The following ADGRG6 variants were observed in gnomAD, a reference collection of about 807,000 sequenced individuals.
ADGRG6 encodes adhesion G protein-coupled receptor G6.
ADGRG6 carries 84 observed loss-of-function variants against 142.4 expected under a neutral mutation model. The ratio of observed to expected loss-of-function variants is 0.59; its 90% CI spans 0.49 to 0.71. The LOEUF is 0.71. Among genes scored for constraint, ADGRG6 ranks in the 30% least tolerant of loss-of-function variants. The pLI, the probability that ADGRG6 is intolerant of heterozygous loss-of-function variation, is 0.00. For synonymous variants in ADGRG6, 521 were observed against 520.5 expected (o/e 1.00, Z -0.01); for missense variants, 1,367 against 1,466.6 (o/e 0.93, Z 1.11).
chr6:142,307,453 A>G (rs1050805775), intron 1 of ADGRG6, among the ~76,000 whole-genome samples: 3 of 150,672 alleles, frequency 2.0e-5, no homozygotes, highest in Non-Finnish European at 4.5e-5. Flanking sequence ...TCATTCATCC[A>G]GCATCAGTAG....
At chr6:142,359,203 TAA>T (rs397885145) in intron 2 of ADGRG6, among the ~76,000 whole-genome samples, 161 of 57,284 alleles carry the variant, frequency 2.8e-3, no homozygotes, top group African/African-American at 6.2e-3. Flanking sequence ...CAAGACCCTA[TAA>T]AAAAAAAAAA....
intron 2 of ADGRG6, among the ~76,000 whole-genome samples, chr6:142,317,251 T>C (rs1778128443): frequency 6.6e-6 from 1 of 152,136 alleles, no homozygotes; most frequent in Non-Finnish European, 1.5e-5. Context: ...GCTTTTTTTA[T>C]TGACCTTTCA....
intron 2 of ADGRG6, among the ~76,000 whole-genome samples, chr6:142,341,381 A>G (rs1293948676): frequency 7.9e-6 from 1 of 126,322 alleles, no homozygotes; most frequent in Non-Finnish European, 1.6e-5. Context: ...TATTATATAT[A>G]TACTATATAT....
chr6:142,306,516 G>A (rs1032668134), intron 1 of ADGRG6, among the ~76,000 whole-genome samples: 1 of 152,076 alleles, frequency 6.6e-6, no homozygotes, highest in Non-Finnish European at 1.5e-5. Context: ...TGGGCAAGTA[G>A]TTTAGTATCT....
intron 3 of ADGRG6, among the ~76,000 whole-genome samples, chr6:142,368,563 C>A (rs1278255083): frequency 1.3e-5 from 2 of 151,364 alleles, no homozygotes; most frequent in African/African-American, 4.8e-5. Context: ...TTCTTCTGTG[C>A]CTTCTAAGTA....
chr6:142,318,003 TATA>T (rs56177614), intron 2 of ADGRG6, among the ~76,000 whole-genome samples: 2,907 of 51,452 alleles, frequency 0.056, 193 homozygotes, highest in Non-Finnish European at 0.06. Flanking sequence ...ATATATTATA[TATA>T]ATATTTATGT....
chr6:142,326,490 A>G (rs1778786166), intron 2 of ADGRG6, among the ~76,000 whole-genome samples: 1 of 151,448 alleles, frequency 6.6e-6, no homozygotes. Context: ...TACAATAGTG[A>G]TCGTGAGTTT....
intron 8 of ADGRG6, among the ~76,000 whole-genome samples, chr6:142,393,490 C>G (rs1170878600): frequency 1.3e-5 from 2 of 152,008 alleles, no homozygotes; most frequent in East Asian, 3.9e-4. Flanking sequence ...TCCATATATC[C>G]TCCTGTGTAC....
chr6:142,366,831 T>G (rs1780962763), intron 2 of ADGRG6, among the ~76,000 whole-genome samples: 1 of 151,796 alleles, frequency 6.6e-6, no homozygotes. Context: ...TTATTTAGAA[T>G]AGTGCTTGGC....
rs1393791197 is a variant in ADGRG6, at chr6:142,446,249, A to T, written c.*2734A>T. 1 of 152,622 alleles carries T rather than the reference A, an allele frequency of 6.6e-6. No individual in the cohort carries two copies. The highest frequency in any genetic ancestry group is 2.4e-5 in the African/African-American group (1 of 41,452). The allele number at this position is 152,622 out of a possible 1,614,324, so 9.5% of individuals were successfully genotyped here. A position where few individuals can be genotyped will look rare whatever the true frequency, so the allele number is the denominator to read the frequency against. ...TTTCAAATAAATACTTATGTTGTTC[A>T]TGTTCCAAGTTATTCAATTCCTTTA... On this transcript the variant is annotated 3_prime_UTR_variant, in exon 25 of 25. Transcript: ENST00000367609.
At chr6:142,351,899 A>G (rs1281839148) in intron 2 of ADGRG6, among the ~76,000 whole-genome samples, 8 of 152,218 alleles carry the variant, frequency 5.3e-5, no homozygotes, top group Non-Finnish European at 1.0e-4. Context: ...AATGCAAATC[A>G]AAACTACAGT....
chr6:142,393,065 C>G, intron 8 of ADGRG6, 65 bp downstream of exon 8: 1 of 871,232 alleles, frequency 1.1e-6, no homozygotes, highest in Non-Finnish European at 1.9e-6. Context: ...CTATTTGTCT[C>G]TCTGATTGTA....
At chr6:142,343,109 C>T (rs1779738595) in intron 2 of ADGRG6, among the ~76,000 whole-genome samples, 1 of 151,710 alleles carries the variant, frequency 6.6e-6, no homozygotes, top group Non-Finnish European at 1.5e-5. Context: ...TATCTGCATT[C>T]TCTGCAAAAT....
chr6:142,427,492 A>G (rs1285919093), intron 22 of ADGRG6, among the ~76,000 whole-genome samples: 1 of 152,174 alleles, frequency 6.6e-6, no homozygotes, highest in Non-Finnish European at 1.5e-5. Flanking sequence ...GTCTCTAGGA[A>G]GTTTCAAACT....
intron 17 of ADGRG6, among the ~76,000 whole-genome samples, chr6:142,411,098 T>G (rs1349164876): frequency 6.6e-6 from 1 of 152,134 alleles, no homozygotes. Context: ...TTAGATCACC[T>G]CTAACTGCCC....
chr6:142,403,174 T>C (rs560107632), intron 13 of ADGRG6, among the ~76,000 whole-genome samples: 1 of 152,266 alleles, frequency 6.6e-6, no homozygotes, highest in African/African-American at 2.4e-5. Context: ...TCCACTATAC[T>C]GTGAACTATG....
At position 142,402,745 on chromosome 6, in the gene ADGRG6, G is replaced by A; in HGVS notation, c.1870G>A (p.Asp624Asn). 1 of 1,598,082 alleles carries A rather than the reference G, an allele frequency of 6.3e-7. No individual in the cohort carries two copies. Among genetic ancestry groups the A allele is most frequent in the Non-Finnish European group, 8.6e-7 (1 of 1,166,144 alleles). The change falls in exon 13 of 25, where the codon GAT becomes AAT. Residue 624 changes from aspartate to asparagine, a missense_variant. Asp to Asn is a conservative substitution (Grantham distance 23, BLOSUM62 1). This residue lies in a region of ADGRG6 where 737 missense variants were observed against 746.5 expected (regional missense o/e 0.99). Transcript: ENST00000367609. ...KRIVNKEENI[D>N]ITLGSTLMNI... ...AATTGTGAATAAAGAAGAAAACATT[G>A]ATATAACACTTGGCTCAACTCTAAT...
intron 22 of ADGRG6, among the ~76,000 whole-genome samples, chr6:142,429,586 G>A (rs1777114629): frequency 1.3e-5 from 2 of 152,188 alleles, no homozygotes; most frequent in African/African-American, 4.8e-5. Flanking sequence ...AGCTGACTGT[G>A]TCTGTGTGAC....
chr6:142,305,469 C>CACACACACACACACAA (rs1777449740), intron 1 of ADGRG6, among the ~76,000 whole-genome samples: 1 of 138,854 alleles, frequency 7.2e-6, no homozygotes, highest in African/African-American at 2.6e-5. Flanking sequence ...CACACACACA[C>CACACACACACACACAA]AATTTTTTTC....
Sources: allele counts gnomAD v4.1 joint callset (sites outside exome capture counted in the v4.1 genomes callset), GRCh38; gene constraint gnomAD v4.1.1; regional missense constraint gnomAD v4.1.1; transcripts MANE v1.5; gene names NCBI Gene and HGNC (gene_info 2026-07-23, HGNC 2026-07-21).